Variants in KYNU observed in about 807,000 individuals in gnomAD.
KYNU encodes L-kynurenine hydrolase.
A neutral mutation model predicts 59.2 loss-of-function variants in KYNU; 54 were observed. The observed-to-expected ratio is 0.91, with a 90% confidence interval of 0.73 to 1.14. The LOEUF is 1.14. Ranked by LOEUF, KYNU falls within the 50% of genes most tolerant of loss-of-function variation. The pLI, the probability that KYNU is intolerant of heterozygous loss-of-function variation, is 0.00. For missense variants in KYNU, 567 were observed against 554.4 expected, an observed-to-expected ratio of 1.02 and a Z score of -0.23; for synonymous variants, 177 against 192.0, an observed-to-expected ratio of 0.92 and a Z score of 0.65.
chr2:142,881,916 C>CTTTTTTTTTTTTTTTTTT (rs869099302), intron 1 of KYNU, among the ~76,000 whole-genome samples: 2 of 113,172 alleles, frequency 1.8e-5, no homozygotes, highest in Non-Finnish European at 1.8e-5. Flanking sequence ...TTTCTTTTTT[C>CTTTTTTTTTTTTTTTTTT]TTTTTTTTTT....
chr2:142,919,688 C>T (rs1269794973), intron 3 of KYNU, among the ~76,000 whole-genome samples: 1 of 152,172 alleles, frequency 6.6e-6, no homozygotes, highest in Non-Finnish European at 1.5e-5. Context: ...AATTGCAGCA[C>T]TTTGGGAGGC....
At chr2:143,026,968 A>G (rs1376820727) in intron 10 of KYNU, among the ~76,000 whole-genome samples, 1 of 152,146 alleles carries the variant, frequency 6.6e-6, no homozygotes, top group Non-Finnish European at 1.5e-5. Context: ...GGATTAATAT[A>G]GGCACAGGAT....
intron 8 of KYNU, among the ~76,000 whole-genome samples, chr2:142,977,409 ATATCT>A (rs1349616642): frequency 3.4e-5 from 5 of 149,214 alleles, no homozygotes; most frequent in East Asian, 1.9e-4. Flanking sequence ...TCATTTTTTG[ATATCT>A]TATATTAACT....
At chr2:143,038,052 A>G (rs926751363) in intron 12 of KYNU, among the ~76,000 whole-genome samples, 1 of 152,192 alleles carries the variant, frequency 6.6e-6, no homozygotes, top group Non-Finnish European at 1.5e-5. Flanking sequence ...TATCAAGAGA[A>G]AGCTTCAAGA....
chr2:142,938,693 C>T (rs1683475011), intron 4 of KYNU, among the ~76,000 whole-genome samples: 2 of 151,986 alleles, frequency 1.3e-5, no homozygotes, highest in South Asian at 2.1e-4. Flanking sequence ...TTATTATACC[C>T]AAATTACAAA....
At chr2:142,922,505 C>CA (rs1190834473) in intron 3 of KYNU, among the ~76,000 whole-genome samples, 4 of 151,508 alleles carry the variant, frequency 2.6e-5, no homozygotes, top group Admixed American at 1.3e-4. Flanking sequence ...GACCCAGTCT[C>CA]AAAAAAAATT....
At chr2:143,015,895 G>A (rs1175252157) in intron 10 of KYNU, among the ~76,000 whole-genome samples, 1 of 152,188 alleles carries the variant, frequency 6.6e-6, no homozygotes, top group Non-Finnish European at 1.5e-5. Flanking sequence ...TAGGTTCTTT[G>A]AATTTAACTC....
chr2:143,000,327 A>G (rs1478046816), intron 10 of KYNU, among the ~76,000 whole-genome samples: 1 of 152,132 alleles, frequency 6.6e-6, no homozygotes, highest in African/African-American at 2.4e-5. Flanking sequence ...AAATTGTATT[A>G]TTTTCCACAT....
At chr2:142,924,048 T>C (rs1184097478) in intron 3 of KYNU, among the ~76,000 whole-genome samples, 2 of 152,168 alleles carry the variant, frequency 1.3e-5, no homozygotes, top group South Asian at 2.1e-4. Context: ...ACTAAGAAAA[T>C]ACATAGAATG....
intron 10 of KYNU, among the ~76,000 whole-genome samples, chr2:143,024,377 TG>T (rs1686494111): frequency 6.6e-6 from 1 of 152,062 alleles, no homozygotes; most frequent in Non-Finnish European, 1.5e-5. Flanking sequence ...TATGTCATTT[TG>T]TTATAGTTTC....
intron 2 of KYNU, among the ~76,000 whole-genome samples, chr2:142,892,743 C>T (rs1681754832): frequency 6.6e-6 from 1 of 152,144 alleles, no homozygotes; most frequent in Admixed American, 6.5e-5. Context: ...TGGTGATATT[C>T]ACTGATACAA....
At chr2:142,938,665 A>G (rs1471373580) in intron 4 of KYNU, among the ~76,000 whole-genome samples, 1 of 152,252 alleles carries the variant, frequency 6.6e-6, no homozygotes, top group South Asian at 2.1e-4. Flanking sequence ...GCTAAACTTG[A>G]TTCAACAACA....
intron 8 of KYNU, among the ~76,000 whole-genome samples, chr2:142,979,447 T>A (rs1321221783): frequency 6.6e-6 from 1 of 152,126 alleles, no homozygotes; most frequent in African/African-American, 2.4e-5. Context: ...AAGAGAGATA[T>A]ACAAACAGGG....
In KYNU at chr2:143,042,697, T is replaced by C. The variant is rs953657934; in HGVS notation, c.*525T>C. ...TATATATGATAGTGGCTTTCAAATT[T>C]TTTTGGGTACAATCCACATTGCTCC... On this transcript the variant is annotated 3_prime_UTR_variant, in exon 14 of 14. Transcript: ENST00000264170. 6.7e-6 allele frequency: 1 copy of C among 149,794 alleles called. No homozygotes were observed. Among genetic ancestry groups the C allele is most frequent in the Non-Finnish European group, 1.5e-5 (1 of 67,510 alleles). The allele number at this position is 149,794 out of a possible 1,614,324, so 9.3% of individuals were successfully genotyped here.
intron 4 of KYNU, among the ~76,000 whole-genome samples, chr2:142,939,097 A>C (rs1052102445): frequency 6.6e-6 from 1 of 152,042 alleles, no homozygotes; most frequent in African/African-American, 2.4e-5. Flanking sequence ...GCAATGAGCC[A>C]TGATTGCACC....
rs534069601 is a variant in KYNU at position 142,950,533 on chromosome 2, A to T, written c.374-4277A>T. Among the ~76,000 whole-genome samples the T allele has an allele frequency of 7.2e-5, 11 of 151,844 alleles. No individual in the cohort carries two copies. The East Asian group carries it at 2.1e-3, about 30-fold the overall frequency. On this transcript the variant is annotated intron_variant, in intron 4 of 13. Transcript: ENST00000264170. ...CTTGTGTAGGGAAACTCCCATTTTT[A>T]AAACCATCAGATCTCATGAGACTTA...
rs1328764075 is a variant in KYNU, at chr2:143,051,497, G to A, written c.*9325G>A. 2.0e-5 allele frequency: 3 copies of A among 151,772 alleles called. No homozygotes were observed. Among genetic ancestry groups the A allele is most frequent in the Non-Finnish European group, 4.4e-5 (3 of 67,960 alleles). 9.4% of individuals were successfully genotyped at this position (151,772 alleles called of 1,614,324 possible). A position where few individuals can be genotyped will look rare whatever the true frequency, so the allele number is the denominator to read the frequency against. Reference sequence around the variant, plus strand: ...ATAGTGGTATTTTCAATTTTGTCTGGGATAATAAGATGTTTTATTTAACTT... The same window carrying A: ...ATAGTGGTATTTTCAATTTTGTCTGAGATAATAAGATGTTTTATTTAACTT... On this transcript the variant is annotated 3_prime_UTR_variant, in exon 14 of 14. Transcript: ENST00000264170.
intron 8 of KYNU, among the ~76,000 whole-genome samples, chr2:142,977,236 G>A (rs1684914799): frequency 6.6e-6 from 1 of 151,870 alleles, no homozygotes; most frequent in South Asian, 2.1e-4. Flanking sequence ...TTTAGCTGTG[G>A]TTTACAAAAT....
At chr2:142,919,849 A>G (rs1682814173) in intron 3 of KYNU, among the ~76,000 whole-genome samples, 1 of 152,180 alleles carries the variant, frequency 6.6e-6, no homozygotes, top group Non-Finnish European at 1.5e-5. Context: ...ACATGGATGG[A>G]TCTCCTAAGC....
Sources: allele counts gnomAD v4.1 joint callset (sites outside exome capture counted in the v4.1 genomes callset), GRCh38; gene constraint gnomAD v4.1.1; transcripts MANE v1.5; gene names NCBI Gene and HGNC (gene_info 2026-07-23, HGNC 2026-07-21).